Variants in FAM13A observed in about 807,000 individuals in gnomAD.
The protein encoded by FAM13A is family with sequence similarity 13 member A, also known as protein FAM13A.
In FAM13A, 76 loss-of-function variants were observed where a neutral mutation model predicts 129.6. The ratio of observed to expected loss-of-function variants is 0.59; its 90% CI spans 0.49 to 0.71. The LOEUF (loss-of-function observed/expected upper bound fraction) is 0.71, where lower values mean the gene tolerates loss of function less well. Among genes scored for constraint, FAM13A ranks in the 30% least tolerant of loss-of-function variants. FAM13A has a pLI of 0.00. For missense variants in FAM13A, 1,108 were observed against 1,249.3 expected, an observed-to-expected ratio of 0.89 and a Z score of 1.70; for synonymous variants, 443 against 449.9, an observed-to-expected ratio of 0.98 and a Z score of 0.20.
At chr4:88,811,420 T>TAG (rs1019810988) in intron 7 of FAM13A, among the ~76,000 whole-genome samples, 1 of 152,170 alleles carries the variant, frequency 6.6e-6, no homozygotes, top group Admixed American at 6.6e-5. Context: ...TTCTGTCTTC[T>TAG]AGAATCAAAG....
At chr4:88,781,497 G>A in intron 10 of FAM13A, 146 bp from the exon 11 acceptor site, 1 of 530,552 alleles carries the variant, frequency 1.9e-6, no homozygotes, top group South Asian at 3.3e-5. Flanking sequence ...TGAGCAGAGT[G>A]CCACTCCTGG....
intron 6 of FAM13A, among the ~76,000 whole-genome samples, chr4:88,885,862 T>C (rs1744317236): frequency 6.8e-6 from 1 of 146,902 alleles, no homozygotes; most frequent in African/African-American, 2.5e-5. Context: ...AAGGCATGAA[T>C]AGACAATTCT....
At chr4:88,947,536 C>A (rs1756127790) in intron 4 of FAM13A, among the ~76,000 whole-genome samples, 1 of 152,148 alleles carries the variant, frequency 6.6e-6, no homozygotes, top group Non-Finnish European at 1.5e-5. Context: ...CCGAAACAGG[C>A]CAGTTTCAAT....
At chr4:88,988,500 A>T (rs1762543252) in intron 4 of FAM13A, among the ~76,000 whole-genome samples, 4 of 152,246 alleles carry the variant, frequency 2.6e-5, no homozygotes, top group Admixed American at 1.3e-4. Context: ...GAGGTCTGCA[A>T]CTTAGTTTCA....
intron 13 of FAM13A, among the ~76,000 whole-genome samples, chr4:88,762,536 G>C (rs1745003789): frequency 6.6e-6 from 1 of 152,138 alleles, no homozygotes; most frequent in East Asian, 1.9e-4. Flanking sequence ...GCTGGTCTAT[G>C]ATGTGACAGG....
chr4:88,803,729 A>G (rs987383195), intron 8 of FAM13A, among the ~76,000 whole-genome samples: 2 of 152,158 alleles, frequency 1.3e-5, no homozygotes, highest in Non-Finnish European at 2.9e-5. Context: ...TGAAACCTCA[A>G]ATGTTCCCTC....
intron 6 of FAM13A, among the ~76,000 whole-genome samples, chr4:88,903,911 C>A (rs1358052497): frequency 6.6e-6 from 1 of 152,036 alleles, no homozygotes; most frequent in Non-Finnish European, 1.5e-5. Flanking sequence ...CTACAAGGAA[C>A]TTAAACACAT....
At chr4:88,837,953 T>C (rs1211335889) in intron 7 of FAM13A, among the ~76,000 whole-genome samples, 1 of 152,104 alleles carries the variant, frequency 6.6e-6, no homozygotes, top group Non-Finnish European at 1.5e-5. Context: ...AGATCAATAA[T>C]ATTTGGGAAA....
At chr4:88,782,396 C>T (rs536428125) in intron 10 of FAM13A, among the ~76,000 whole-genome samples, 2 of 152,084 alleles carry the variant, frequency 1.3e-5, no homozygotes, top group African/African-American at 4.8e-5. Flanking sequence ...TCTCCTCCTT[C>T]GTGGTATGAG....
intron 4 of FAM13A, among the ~76,000 whole-genome samples, chr4:88,982,704 G>C (rs1761789304): frequency 2.0e-5 from 3 of 152,242 alleles, no homozygotes; most frequent in Admixed American, 1.3e-4. Context: ...GTATTCAGAG[G>C]ACTTTTGCCT....
intron 1 of FAM13A, among the ~76,000 whole-genome samples, chr4:89,052,158 C>T (rs552508749): frequency 5.1e-4 from 78 of 152,192 alleles, no homozygotes; most frequent in Middle Eastern, 3.4e-3. Context: ...CCCTGCTTCA[C>T]TGAGCCTTTT....
chr4:88,879,596 A>C (rs571223979), intron 6 of FAM13A, among the ~76,000 whole-genome samples: 1 of 152,184 alleles, frequency 6.6e-6, no homozygotes, highest in South Asian at 2.1e-4. Context: ...TCACTGTCTG[A>C]TTGTGGGCCT....
At chr4:89,017,295 T>G (rs1352173694) in intron 3 of FAM13A, among the ~76,000 whole-genome samples, 2 of 152,196 alleles carry the variant, frequency 1.3e-5, no homozygotes, top group Admixed American at 1.3e-4. Flanking sequence ...CATTCAAAAT[T>G]TGTTACCTGT....
rs115759721 is a variant in FAM13A at position 88,812,262 on chromosome 4, C to A, written c.1008-7210G>T. 7.0e-3 allele frequency among the ~76,000 whole-genome samples: 1,063 copies of A among 152,242 alleles called. 11 individuals carry two copies. The highest frequency in any genetic ancestry group is 0.024 in the African/African-American group (993 of 41,528). On this transcript the variant is annotated intron_variant, in intron 7 of 23. Transcript: ENST00000264344. ...ATATTTGATCAATTACCAAATTGTA[C>A]GGATTATGTCTCAAAAAAAGGATGT...
intron 6 of FAM13A, among the ~76,000 whole-genome samples, chr4:88,877,263 A>G (rs1238149103): frequency 3.9e-5 from 6 of 152,236 alleles, no homozygotes; most frequent in Non-Finnish European, 8.8e-5. Context: ...AGGTTTAAAC[A>G]CCATAAATAT....
chr4:88,728,466 C>T lies in FAM13A; in HGVS notation c.*67G>A. Reference sequence around the variant, plus strand: ...CCAGCCCCAAGGCTGCCTTCCAGAGCTGCACTTTCTCTGGGGACAGTAAAC... The same window carrying T: ...CCAGCCCCAAGGCTGCCTTCCAGAGTTGCACTTTCTCTGGGGACAGTAAAC... On this transcript the variant is annotated 3_prime_UTR_variant, in exon 24 of 24. Transcript: ENST00000264344. 1 of 1,599,396 alleles carries T rather than the reference C, an allele frequency of 6.3e-7. No individual in the cohort carries two copies. Among genetic ancestry groups the T allele is most frequent in the Non-Finnish European group, 8.6e-7 (1 of 1,169,380 alleles).
chr4:89,042,045 G>A (rs990423237), intron 1 of FAM13A, among the ~76,000 whole-genome samples: 8 of 149,534 alleles, frequency 5.3e-5, no homozygotes, highest in Middle Eastern at 3.2e-3. Context: ...CGGTTAAAAC[G>A]TACCCAGCCT....
chr4:88,829,457 T>C (rs1733537772), intron 7 of FAM13A, among the ~76,000 whole-genome samples: 1 of 152,168 alleles, frequency 6.6e-6, no homozygotes, highest in African/African-American at 2.4e-5. Flanking sequence ...CCTCATATTC[T>C]TGTCAATCTT....
intron 3 of FAM13A, among the ~76,000 whole-genome samples, chr4:88,998,273 A>G (rs1392289416): frequency 6.6e-6 from 1 of 152,196 alleles, no homozygotes; most frequent in East Asian, 1.9e-4. Flanking sequence ...TAGCAATAGG[A>G]ATCTAGTAGT....
Sources: gnomAD v4.1 joint callset for allele counts (sites outside exome capture counted in the v4.1 genomes callset) on GRCh38, gnomAD v4.1.1 for gene constraint, MANE v1.5 for transcripts, NCBI Gene and HGNC (gene_info 2026-07-23, HGNC 2026-07-21) for gene names.